The following KCNH5 variants were observed in gnomAD, a reference collection of about 807,000 sequenced individuals.
KCNH5 encodes potassium voltage-gated channel subfamily H member 5, also known as voltage-gated delayed rectifier potassium channel KCNH5.
A neutral mutation model predicts 96.1 loss-of-function variants in KCNH5; 46 were observed. The observed-to-expected ratio is 0.48, with a 90% CI of 0.38 to 0.61. The LOEUF is 0.61. KCNH5 is among the 20% of genes least tolerant of loss of function. KCNH5 has a pLI of 0.00. For missense variants in KCNH5, 907 were observed against 1,225.8 expected (o/e 0.74, Z 3.88); for synonymous variants, 439 against 449.8 (o/e 0.98, Z 0.30).
At chr14:63,041,976 T>G (rs1371577224) in intron 1 of KCNH5, among the ~76,000 whole-genome samples, 1 of 152,150 alleles carries the variant, frequency 6.6e-6, no homozygotes, top group Admixed American at 6.5e-5. Context: ...TATGCCACAC[T>G]TCTTGCTTTT....
chr14:62,874,310 CAAA>C (rs1249695374), intron 7 of KCNH5, among the ~76,000 whole-genome samples: 1 of 151,774 alleles, frequency 6.6e-6, no homozygotes, highest in African/African-American at 2.4e-5. Flanking sequence ...AGTAGGCAAA[CAAA>C]AAGACACTTC....
chr14:63,018,346 T>C (rs149700436), intron 1 of KCNH5, among the ~76,000 whole-genome samples: 28 of 152,016 alleles, frequency 1.8e-4, no homozygotes, highest in African/African-American at 6.5e-4. Context: ...AATCCTTTAA[T>C]TGATGGAGTG....
chr14:63,025,310 A>T (rs886440441), intron 1 of KCNH5, among the ~76,000 whole-genome samples: 1 of 152,100 alleles, frequency 6.6e-6, no homozygotes, highest in African/African-American at 2.4e-5. Flanking sequence ...CTCTAAAATC[A>T]GGAACAAGAC....
chr14:62,875,928 G>A (rs1566690826), intron 7 of KCNH5, among the ~76,000 whole-genome samples: 1 of 152,192 alleles, frequency 6.6e-6, no homozygotes. Flanking sequence ...CAGCACTTTG[G>A]GAGGCCGAGG....
Position 62,706,510 on chromosome 14 carries a change from T to C in KCNH5, c.*998A>G, listed in dbSNP as rs1884435369. On this transcript the variant is annotated 3_prime_UTR_variant, in exon 11 of 11. Transcript: ENST00000322893. ...TGCCACAAAAATTTATCTATCTGTT[T>C]ACATTCTTTTTTATTTTATACCATA... 6.6e-6 allele frequency: 1 copy of C among 152,196 alleles called. No individual in the cohort carries two copies. Among genetic ancestry groups the C allele is most frequent in the Non-Finnish European group, 1.5e-5 (1 of 67,998 alleles). 9.4% of individuals were successfully genotyped at this position (152,196 alleles called of 1,614,324 possible).
chr14:62,809,249 T>C (rs1022866391), intron 8 of KCNH5, among the ~76,000 whole-genome samples: 3 of 152,166 alleles, frequency 2.0e-5, no homozygotes, highest in Non-Finnish European at 4.4e-5. Context: ...TCTTAACTTA[T>C]GGCAATATAG....
chr14:62,959,036 A>T (rs1266343227), intron 6 of KCNH5, among the ~76,000 whole-genome samples: 1 of 152,130 alleles, frequency 6.6e-6, no homozygotes, highest in African/African-American at 2.4e-5. Context: ...TGACTAAGCA[A>T]ATCAGAAACC....
At chr14:62,738,986 G>A (rs1049067371) in intron 10 of KCNH5, among the ~76,000 whole-genome samples, 2 of 152,110 alleles carry the variant, frequency 1.3e-5, no homozygotes, top group Non-Finnish European at 2.9e-5. Context: ...GAGAAAGGGG[G>A]AGGATGTAAG....
At chr14:63,033,637 G>C (rs1489265011) in intron 1 of KCNH5, among the ~76,000 whole-genome samples, 1 of 152,074 alleles carries the variant, frequency 6.6e-6, no homozygotes, top group African/African-American at 2.4e-5. Context: ...GTGTCTATTT[G>C]TTCATTACTG....
chr14:62,933,383 T>C (rs946537560), intron 7 of KCNH5, among the ~76,000 whole-genome samples: 2 of 152,118 alleles, frequency 1.3e-5, no homozygotes, highest in African/African-American at 4.8e-5. Flanking sequence ...CTATTGATTA[T>C]ATCAAAATTA....
At chr14:63,020,700 T>C (rs1008762733) in intron 1 of KCNH5, among the ~76,000 whole-genome samples, 1 of 152,168 alleles carries the variant, frequency 6.6e-6, no homozygotes, top group Non-Finnish European at 1.5e-5. Context: ...TTGTTCTCTA[T>C]CTTGATAGAG....
intron 7 of KCNH5, among the ~76,000 whole-genome samples, chr14:62,913,407 T>C (rs8014332): frequency 0.051 from 7,840 of 152,234 alleles, 660 homozygotes; most frequent in African/African-American, 0.18. Context: ...TTTGTATTTT[T>C]AGTAGAGACG....
chr14:62,897,554 G>A (rs1290617628), intron 7 of KCNH5, among the ~76,000 whole-genome samples: 1 of 152,142 alleles, frequency 6.6e-6, no homozygotes. Context: ...CACGGATAAA[G>A]AGAAAGGAGA....
At chr14:63,005,942 A>G (rs1157010018) in intron 3 of KCNH5, among the ~76,000 whole-genome samples, 1 of 152,208 alleles carries the variant, frequency 6.6e-6, no homozygotes, top group Admixed American at 6.5e-5. Flanking sequence ...ATTCCCCTCA[A>G]GTAGCTACCA....
At chr14:62,818,856 T>G (rs901188054) in intron 8 of KCNH5, among the ~76,000 whole-genome samples, 1 of 152,166 alleles carries the variant, frequency 6.6e-6, no homozygotes, top group African/African-American at 2.4e-5. Flanking sequence ...TATATGAAGA[T>G]CCATGTCAAA....
intron 9 of KCNH5, among the ~76,000 whole-genome samples, chr14:62,800,777 C>T (rs1329891064): frequency 1.3e-5 from 2 of 151,980 alleles, no homozygotes; most frequent in Non-Finnish European, 2.9e-5. Context: ...TGTAAATATG[C>T]TTCATTTTAC....
At chr14:62,771,073 C>T (rs535636393) in intron 10 of KCNH5, among the ~76,000 whole-genome samples, 4 of 152,256 alleles carry the variant, frequency 2.6e-5, no homozygotes, top group African/African-American at 4.8e-5. Context: ...TGCAGGGATG[C>T]CATGTGAGCA....
intron 8 of KCNH5, among the ~76,000 whole-genome samples, chr14:62,827,281 C>T (rs1204061729): frequency 6.6e-6 from 1 of 152,130 alleles, no homozygotes; most frequent in Non-Finnish European, 1.5e-5. Context: ...TTTTACTTTG[C>T]TACCCAAAGT....
chr14:62,918,451 TG>T (rs1889317989), intron 7 of KCNH5, among the ~76,000 whole-genome samples: 1 of 152,152 alleles, frequency 6.6e-6, no homozygotes, highest in Non-Finnish European at 1.5e-5. Context: ...AATTGTTAGC[TG>T]GAAAAACTAT....
Sources: gnomAD v4.1 joint callset for allele counts (sites outside exome capture counted in the v4.1 genomes callset) on GRCh38, gnomAD v4.1.1 for gene constraint, MANE v1.5 for transcripts, NCBI Gene and HGNC (gene_info 2026-07-23, HGNC 2026-07-21) for gene names.